CNOT11: variants seen among roughly 807,000 people sequenced by gnomAD.
CNOT11 encodes the protein UPF0760 protein C2orf29.
CNOT11 carries 18 observed loss-of-function variants against 44.6 expected under a neutral mutation model. The observed-to-expected ratio is 0.40, with a 90% CI of 0.28 to 0.60. CNOT11 has a LOEUF of 0.60. CNOT11 is among the 20% of genes least tolerant of loss of function. The pLI is 0.38. For synonymous variants in CNOT11, 291 were observed against 270.9 expected, an observed-to-expected ratio of 1.07 and a Z score of -0.73; for missense variants, 513 against 677.0, an observed-to-expected ratio of 0.76 and a Z score of 2.69.
At chr2:101,258,210 A>G (rs376183200) in intron 2 of CNOT11, among the ~76,000 whole-genome samples, 1 of 152,070 alleles carries the variant, frequency 6.6e-6, no homozygotes, top group Non-Finnish European at 1.5e-5. Flanking sequence ...CCTGGCCAGC[A>G]TGGTGAAACC....
intron 2 of CNOT11, among the ~76,000 whole-genome samples, chr2:101,258,651 T>C (rs1321804189): frequency 6.6e-6 from 1 of 151,478 alleles, no homozygotes; most frequent in African/African-American, 2.4e-5. Flanking sequence ...ATTCCAACAG[T>C]GTTTTTTGCA....
chr2:101,254,409 T>TA (rs972080074), intron 1 of CNOT11, among the ~76,000 whole-genome samples: 10 of 152,136 alleles, frequency 6.6e-5, no homozygotes, highest in African/African-American at 1.9e-4. Context: ...CGTTTCTAGT[T>TA]AGTGTTCCTG....
chr2:101,264,130 G>A (rs1681925763), intron 3 of CNOT11, among the ~76,000 whole-genome samples: 1 of 152,160 alleles, frequency 6.6e-6, no homozygotes. Flanking sequence ...TGCCCTATGT[G>A]GAAACTATGT....
intron 2 of CNOT11, among the ~76,000 whole-genome samples, chr2:101,259,114 A>G (rs1478068345): frequency 6.6e-6 from 1 of 152,118 alleles, no homozygotes; most frequent in African/African-American, 2.4e-5. Context: ...AGCCTGCACA[A>G]TATCGTGAGA....
Position 101,269,391 on chromosome 2 carries a change from C to G in CNOT11, c.1511C>G (p.Ser504Cys), listed in dbSNP as rs1317188351. The G allele has an allele frequency of 1.2e-6, 2 of 1,614,062 alleles. No individual in the cohort carries two copies. The highest frequency in any genetic ancestry group is 1.7e-6 in the Non-Finnish European group (2 of 1,179,984). ...LKTLDTGETPSETKMSK is the reference protein window; with the variant it reads ...LKTLDTGETPCETKMSK ...ACATTGGATACTGGGGAAACACCTT[C>G]TGAGACCAAAATGTCAAAATAATAC... The change falls in exon 7 of 7, where the codon TCT becomes TGT. Residue 504 changes from serine (S) to cysteine (C), a missense_variant. Ser to Cys is a moderately radical substitution (Grantham distance 112). Around this residue, in one of 4 missense-constraint regions of CNOT11, gnomAD observed 87 missense variants for 185.4 expected, o/e 0.47. Transcript: ENST00000289382. The surrounding 1 kb of genome is among the most constrained non-coding windows in gnomAD (Gnocchi z 4.8).
chr2:101,264,703 G>C (rs1681940165), intron 3 of CNOT11, 142 bp from the exon 4 acceptor site: 2 of 654,382 alleles, frequency 3.1e-6, no homozygotes, highest in Admixed American at 5.4e-5. Context: ...TGTCATTCCT[G>C]CTTCTGATTT....
chr2:101,265,087 A>AATTTTT, intron 4 of CNOT11, 40 bp downstream of exon 4: 1 of 1,334,044 alleles, frequency 7.5e-7, no homozygotes, highest in Non-Finnish European at 1.0e-6. Context: ...CTTTTTTTTT[A>AATTTTT]AATTTATTTT....
chr2:101,263,160 G>A (rs1217519306), intron 3 of CNOT11, among the ~76,000 whole-genome samples: 7 of 151,756 alleles, frequency 4.6e-5, no homozygotes, highest in Non-Finnish European at 1.0e-4. Context: ...TGCAGGAGCC[G>A]AGATCGAACC....
At chr2:101,266,643 C>CCT in intron 4 of CNOT11, 34 bp from the exon 5 acceptor site, 10 of 1,491,828 alleles carry the variant, frequency 6.7e-6, no homozygotes, top group Non-Finnish European at 9.3e-6. Context: ...TTTCTCTCTC[C>CCT]CTCTCTCTCT....
chr2:101,266,963 T>C, intron 5 of CNOT11, 84 bp downstream of exon 5: 1 of 981,098 alleles, frequency 1.0e-6, no homozygotes, highest in Non-Finnish European at 1.6e-6. Flanking sequence ...GATTTTTGTC[T>C]TGATATTATT....
chr2:101,269,652 TC>T lies in CNOT11; in HGVS notation c.*242del, dbSNP rs1327363304. The T allele has an allele frequency of 2.7e-6, 1 of 364,178 alleles. No individual in the cohort carries two copies. Among genetic ancestry groups the T allele is most frequent in the Admixed American group, 4.4e-5 (1 of 22,638 alleles). The allele number at this position is 364,178 out of a possible 1,614,324, so 22.6% of individuals were successfully genotyped here. On this transcript the variant is annotated 3_prime_UTR_variant, in exon 7 of 7. Transcript: ENST00000289382. The surrounding 1 kb of genome is among the most constrained non-coding windows in gnomAD (Gnocchi z 4.8). ...TGACTATCCATAGGAGGAATGGCTA[TC>T]CCAAAAAAAGTTCCGCAAAAAAGTA...
intron 4 of CNOT11, among the ~76,000 whole-genome samples, chr2:101,265,551 G>A (rs1573203047): frequency 6.6e-6 from 1 of 152,194 alleles, no homozygotes; most frequent in Non-Finnish European, 1.5e-5. Flanking sequence ...TAATTTTGCT[G>A]TGGTGGGGCA....
chr2:101,256,181 C>T (rs751811520), intron 1 of CNOT11, among the ~76,000 whole-genome samples: 1 of 151,078 alleles, frequency 6.6e-6, no homozygotes, highest in Admixed American at 6.6e-5. Flanking sequence ...TTTGTGCAAC[C>T]GGGGTGTAGG....
rs147536986 is a variant in CNOT11, at chr2:101,254,002, T to G, written c.514+524T>G. On this transcript the variant is annotated intron_variant, in intron 1 of 6. Transcript: ENST00000289382. Reference sequence around the variant, plus strand: ...AAAGTCTCAAATTGATGATCTCGCGTTTGGAAACACATGACTTACTGGACA... The same window carrying G: ...AAAGTCTCAAATTGATGATCTCGCGGTTGGAAACACATGACTTACTGGACA... Among the ~76,000 whole-genome samples, 676 of 152,288 alleles carry G rather than the reference T, an allele frequency of 4.4e-3. 3 individuals carry two copies. Among genetic ancestry groups the G allele is most frequent in the African/African-American group, 0.015 (643 of 41,534 alleles).
At position 101,253,110 on chromosome 2, in the gene CNOT11, C is replaced by G. The variant is rs778897437; in HGVS notation, c.146C>G (p.Ser49Cys). The change falls in exon 1 of 7, where the codon TCC becomes TGC. Residue 49 changes from serine (S) to cysteine (C), a missense_variant. Ser to Cys is a moderately radical substitution (Grantham distance 112). Around this residue, in one of 4 missense-constraint regions of CNOT11, gnomAD observed 259 missense variants for 265.7 expected, o/e 0.97. Transcript: ENST00000289382. This position sits in a 1 kb window ranked among gnomAD's most constrained non-coding sequence, Gnocchi z 4.3. ...AGAGGCGGAGCAAGCGGCCCCGGGT[C>G]CGGGAGCGGAGGCCCGGGGGGCCCC... ...GGRGGASGPG[S>C]GSGGPGGPAG... 5.3e-6 allele frequency: 8 copies of G among 1,523,346 alleles called. No homozygotes were observed. The highest frequency in any genetic ancestry group is 2.6e-5 in the East Asian group (1 of 38,430). 94.4% of individuals were successfully genotyped at this position (1,523,346 alleles called of 1,614,324 possible).
chr2:101,264,000 A>G (rs964528755), intron 3 of CNOT11, among the ~76,000 whole-genome samples: 3 of 152,234 alleles, frequency 2.0e-5, no homozygotes, highest in African/African-American at 7.2e-5. Context: ...GTAAGTGAAG[A>G]GGCAGTGGAG....
chr2:101,260,311 AT>A (rs1260470681), intron 2 of CNOT11, among the ~76,000 whole-genome samples: 4 of 151,962 alleles, frequency 2.6e-5, no homozygotes, highest in Admixed American at 6.6e-5. Flanking sequence ...TTAAATAGTA[AT>A]TTTTTTTATC....
chr2:101,264,966 T>G lies in CNOT11; in HGVS notation c.954T>G (p.Val318=). The part of the protein sequence containing the change: ...HAIQWDKSMC[V]KNSTGVEIKR... ...TCCAGTGGGATAAATCGATGTGTGT[T>G]AAGAATAGCACTGGTGTGGAGATCA... The change falls in exon 4 of 7, where the codon GTT becomes GTG. Residue 318 remains valine, a synonymous_variant. Transcript: ENST00000289382. 6.2e-7 allele frequency: 1 copy of G among 1,614,180 alleles called. No homozygotes were observed. Among genetic ancestry groups the G allele is most frequent in the Non-Finnish European group, 8.5e-7 (1 of 1,180,026 alleles).
Position 101,253,492 on chromosome 2 carries a change from C to A in CNOT11, c.514+14C>A. 1 of 1,446,142 alleles carries A rather than the reference C, an allele frequency of 6.9e-7. No homozygotes were observed. The highest frequency in any genetic ancestry group is 9.0e-7 in the Non-Finnish European group (1 of 1,108,448). 89.6% of individuals were successfully genotyped at this position (1,446,142 alleles called of 1,614,324 possible). ...CTCCGCTCTCAGGTACCTCCTGAAG[C>A]CAGCTGTGCCGTGTGGATAGCGTTA... On this transcript the variant is annotated intron_variant, in intron 1 of 6. Transcript: ENST00000289382. The surrounding 1 kb of genome is among the most constrained non-coding windows in gnomAD (Gnocchi z 4.3).
Sources: allele counts gnomAD v4.1 joint callset (sites outside exome capture counted in the v4.1 genomes callset), GRCh38; gene constraint gnomAD v4.1.1; regional missense constraint gnomAD v4.1.1; non-coding constraint Gnocchi (gnomAD v3.1); transcripts MANE v1.5; gene names NCBI Gene and HGNC (gene_info 2026-07-23, HGNC 2026-07-21).